PDE10A: variants seen among roughly 807,000 people sequenced by gnomAD.
The protein encoded by PDE10A is phosphodiesterase 10A, also known as cAMP and cAMP-inhibited cGMP 3',5'-cyclic phosphodiesterase 10A.
In PDE10A, 39 loss-of-function variants were observed where a neutral mutation model predicts 97.7. The ratio of observed to expected loss-of-function variants is 0.40; its 90% confidence interval spans 0.31 to 0.52. The LOEUF is 0.52. Among genes scored for constraint, PDE10A ranks in the 20% least tolerant of loss-of-function variants. The pLI is 0.56. For synonymous variants in PDE10A, 371 were observed against 376.8 expected (o/e 0.98, Z 0.18); for missense variants, 731 against 1,047.8 (o/e 0.70, Z 4.17).
chr6:165,413,729 G>A, intron 12 of PDE10A, 42 bp from the exon 13 acceptor site: 1 of 1,488,536 alleles, frequency 6.7e-7, no homozygotes, highest in Non-Finnish European at 9.2e-7. Flanking sequence ...ACAACAAAAG[G>A]GCAGAAGAAA....
At chr6:165,620,618 G>C (rs1399336321) in intron 1 of PDE10A, among the ~76,000 whole-genome samples, 1 of 152,228 alleles carries the variant, frequency 6.6e-6, no homozygotes, top group Non-Finnish European at 1.5e-5. Context: ...GGCAGAGGAA[G>C]AGGAAGGCAG....
rs754021053 is a variant in PDE10A, at chr6:165,431,436, T to C, written c.1528A>G (p.Ile510Val). The change falls in exon 8 of 22, where the codon ATA becomes GTA. Residue 510 changes from isoleucine to valine, a missense_variant. Ile to Val is a conservative substitution (Grantham distance 29). This residue lies in a region of PDE10A where 152 missense variants were observed against 199.3 expected (regional missense o/e 0.76). Coordinates refer to ENST00000539869, the MANE Select transcript of PDE10A (RefSeq NM_001385079.1). ...TANLAWASVA[I>V]HQVQVCRGLA... Reference sequence around the variant, plus strand: ...CAAAGACTCACCTGCACCTGATGTATTGCTACTGAAGCCCAGGCAAGATTT... The same window carrying C: ...CAAAGACTCACCTGCACCTGATGTACTGCTACTGAAGCCCAGGCAAGATTT... 19 of 1,599,812 alleles carry C rather than the reference T, an allele frequency of 1.2e-5. No homozygotes were observed. Among genetic ancestry groups the C allele is most frequent in the Admixed American group, 1.7e-5 (1 of 59,212 alleles).
chr6:165,561,671 G>T (rs1453626295), intron 1 of PDE10A, among the ~76,000 whole-genome samples: 2 of 152,136 alleles, frequency 1.3e-5, no homozygotes, highest in Non-Finnish European at 2.9e-5. Context: ...CCAGTTATTG[G>T]TCCTAAAATA....
intron 2 of PDE10A, among the ~76,000 whole-genome samples, chr6:165,497,635 A>G (rs1780616385): frequency 3.3e-5 from 5 of 152,204 alleles, no homozygotes; most frequent in East Asian, 1.9e-4. Flanking sequence ...GAACTTAGTC[A>G]TCTCTGAATG....
At chr6:165,560,943 G>C (rs1784491393) in intron 1 of PDE10A, among the ~76,000 whole-genome samples, 1 of 152,088 alleles carries the variant, frequency 6.6e-6, no homozygotes, top group Non-Finnish European at 1.5e-5. Context: ...GCATGGGCTG[G>C]GCACAGTGGC....
At chr6:165,451,384 A>G (rs1791279362) in intron 3 of PDE10A, among the ~76,000 whole-genome samples, 1 of 152,232 alleles carries the variant, frequency 6.6e-6, no homozygotes, top group African/African-American at 2.4e-5. Flanking sequence ...ACCTAGTCTC[A>G]AAACAACAGG....
chr6:165,578,417 G>C (rs1785433698), intron 1 of PDE10A, among the ~76,000 whole-genome samples: 1 of 152,044 alleles, frequency 6.6e-6, no homozygotes, highest in Non-Finnish European at 1.5e-5. Context: ...GAAACAACAT[G>C]GTAGGGGCAA....
rs900741104 is a variant in PDE10A at position 165,719,634 on chromosome 6, A to G, written c.-614-176066T>C. Among the ~76,000 whole-genome samples the G allele has an allele frequency of 7.8e-5, 9 of 114,670 alleles. No homozygotes were observed. In the South Asian group the frequency reaches 2.5e-3, roughly 32 times the overall value. 75.2% of individuals were successfully genotyped at this position (114,670 alleles called of 152,430 possible). On this transcript the variant is annotated intron_variant, in intron 1 of 19. Transcript: ENST00000366882. Reference sequence around the variant, plus strand: ...ACAATAAGTGTGTGACAGGTGTGCAACAGGTGTAACCCAGGTGGGTGGTAG... The same window carrying G: ...ACAATAAGTGTGTGACAGGTGTGCAGCAGGTGTAACCCAGGTGGGTGGTAG...
chr6:165,457,493 A>T (rs1182672033), intron 3 of PDE10A, among the ~76,000 whole-genome samples: 1 of 152,210 alleles, frequency 6.6e-6, no homozygotes, highest in Non-Finnish European at 1.5e-5. Context: ...TGAACGATAG[A>T]ACTGTAGTGA....
intron 1 of PDE10A, among the ~76,000 whole-genome samples, chr6:165,866,027 A>G (rs780939269): frequency 6.6e-6 from 1 of 152,202 alleles, no homozygotes; most frequent in African/African-American, 2.4e-5. Flanking sequence ...TGAACAAAGG[A>G]TATACAAACA....
At chr6:165,547,239 A>T (rs1783783544) in intron 1 of PDE10A, among the ~76,000 whole-genome samples, 1 of 152,132 alleles carries the variant, frequency 6.6e-6, no homozygotes, top group Non-Finnish European at 1.5e-5. Context: ...AGATAAAACT[A>T]ATTAAACTGA....
At chr6:165,450,101 A>G in intron 4 of PDE10A, 141 bp downstream of exon 4, 1 of 605,470 alleles carries the variant, frequency 1.7e-6, no homozygotes, top group Non-Finnish European at 2.8e-6. Context: ...TTCATAATAA[A>G]ATATTTTCAC....
chr6:165,733,539 G>C (rs866558663), intron 1 of PDE10A, among the ~76,000 whole-genome samples: 1 of 152,166 alleles, frequency 6.6e-6, no homozygotes, highest in African/African-American at 2.4e-5. Context: ...AGTGCTTGGA[G>C]TTCTCTGAAT....
At chr6:165,385,674 A>G (rs1785253838) in intron 17 of PDE10A, among the ~76,000 whole-genome samples, 2 of 152,376 alleles carry the variant, frequency 1.3e-5, no homozygotes, top group South Asian at 4.1e-4. Context: ...AAACACTCAG[A>G]GAAGTATCAT....
At chr6:165,737,108 A>T (rs1180511069) in intron 1 of PDE10A, among the ~76,000 whole-genome samples, 6 of 152,232 alleles carry the variant, frequency 3.9e-5, no homozygotes, top group Non-Finnish European at 8.8e-5. Flanking sequence ...AGAAATAGAA[A>T]ATCTGAAAAG....
At chr6:165,978,424 A>C (rs1317209099) in intron 1 of PDE10A, among the ~76,000 whole-genome samples, 1 of 152,178 alleles carries the variant, frequency 6.6e-6, no homozygotes, top group East Asian at 1.9e-4. Context: ...TCTAGCAGAA[A>C]TTTTCTTAAC....
At chr6:165,533,431 T>G (rs141823574) in intron 2 of PDE10A, among the ~76,000 whole-genome samples, 1 of 152,238 alleles carries the variant, frequency 6.6e-6, no homozygotes, top group East Asian at 1.9e-4. Flanking sequence ...ATACTGTAGG[T>G]AGCTATAATA....
At chr6:165,791,414 C>A (rs1778645213) in intron 1 of PDE10A, among the ~76,000 whole-genome samples, 1 of 152,150 alleles carries the variant, frequency 6.6e-6, no homozygotes, top group Non-Finnish European at 1.5e-5. Flanking sequence ...GCCACAATTT[C>A]TTTATCTACC....
intron 18 of PDE10A, among the ~76,000 whole-genome samples, chr6:165,353,035 G>A (rs953969042): frequency 4.6e-5 from 7 of 152,202 alleles, no homozygotes; most frequent in African/African-American, 1.7e-4. Context: ...CTAAAGACAT[G>A]AACTGACACC....
Sources: gnomAD v4.1 joint callset for allele counts (sites outside exome capture counted in the v4.1 genomes callset) on GRCh38, gnomAD v4.1.1 for gene constraint, gnomAD v4.1.1 regional missense constraint, MANE v1.5 for transcripts, NCBI Gene and HGNC (gene_info 2026-07-23, HGNC 2026-07-21) for gene names.